Variants in RHOBTB1 observed in about 807,000 individuals in gnomAD.
RHOBTB1 encodes Rho related BTB domain containing 1, also known as rho-related BTB domain-containing protein 1.
RHOBTB1 carries 40 observed loss-of-function variants against 71.6 expected under a neutral mutation model. That is an observed-to-expected ratio of 0.56 (90% CI 0.43 to 0.73). The LOEUF is 0.73. Among genes scored for constraint, RHOBTB1 ranks in the 30% least tolerant of loss-of-function variants. RHOBTB1 has a pLI of 0.00. For synonymous variants in RHOBTB1, 319 were observed against 334.9 expected (o/e 0.95, Z 0.52); for missense variants, 797 against 894.0 (o/e 0.89, Z 1.38).
At position 60,889,068 on chromosome 10, in the gene RHOBTB1, A is replaced by G; in HGVS notation, c.600T>C (p.Phe200=). The G allele has an allele frequency of 6.2e-7, 1 of 1,614,186 alleles. No individual in the cohort carries two copies. The highest frequency in any genetic ancestry group is 8.5e-7 in the Non-Finnish European group (1 of 1,180,022). ...TCAGCGCTGCTCGGATTGCATTGTC[A>G]AACACATCCTTGATACCAAACTGGT... ...VFDQFGIKDV[F]DNAIRAALIS... is the part of the protein sequence containing the mutation. Residue 200 remains phenylalanine (F), a synonymous_variant, in exon 6 of 11, where the codon TTT becomes TTC. Transcript: ENST00000337910.
intron 2 of RHOBTB1, among the ~76,000 whole-genome samples, chr10:60,956,601 T>A (rs2085601772): frequency 6.6e-6 from 1 of 152,166 alleles, no homozygotes; most frequent in East Asian, 1.9e-4. Context: ...CTTTATATCC[T>A]TATTGTATAA....
At chr10:60,937,995 T>C (rs1410950560) in intron 2 of RHOBTB1, among the ~76,000 whole-genome samples, 1 of 152,184 alleles carries the variant, frequency 6.6e-6, no homozygotes, top group Non-Finnish European at 1.5e-5. Flanking sequence ...AGTAAGGTCA[T>C]ATTTCACCGA....
chr10:60,924,553 A>G (rs1303321425), intron 2 of RHOBTB1, among the ~76,000 whole-genome samples: 1 of 152,144 alleles, frequency 6.6e-6, no homozygotes, highest in Admixed American at 6.5e-5. Flanking sequence ...AGAGCCAGGG[A>G]CTTCAGTATC....
At chr10:60,939,557 C>A (rs1049860982) in intron 2 of RHOBTB1, among the ~76,000 whole-genome samples, 2 of 152,128 alleles carry the variant, frequency 1.3e-5, no homozygotes, top group African/African-American at 2.4e-5. Flanking sequence ...CTTTTTGGAA[C>A]TCATTTTTCC....
chr10:60,984,831 T>C (rs139497630), intron 2 of RHOBTB1, among the ~76,000 whole-genome samples: 113 of 152,194 alleles, frequency 7.4e-4, no homozygotes, highest in Non-Finnish European at 1.3e-3. Context: ...TTCAGTCTTA[T>C]GTACACATTT....
At chr10:60,943,818 C>A (rs937518472) in intron 1 of RHOBTB1, among the ~76,000 whole-genome samples, 153 bp downstream of exon 1, 1 of 150,728 alleles carries the variant, frequency 6.6e-6, no homozygotes. Context: ...CCCCTAGCGG[C>A]TCGGTCCCAC....
At chr10:60,985,618 A>C (rs2086637234) in intron 2 of RHOBTB1, among the ~76,000 whole-genome samples, 1 of 152,144 alleles carries the variant, frequency 6.6e-6, no homozygotes, top group African/African-American at 2.4e-5. Context: ...TGTAGGTCCA[A>C]ATGACTCAAA....
At chr10:60,897,264 C>T (rs1340432819) in intron 4 of RHOBTB1, among the ~76,000 whole-genome samples, 2 of 152,130 alleles carry the variant, frequency 1.3e-5, no homozygotes, top group Non-Finnish European at 2.9e-5. Context: ...CAACCAGAAG[C>T]TCAACTTTTT....
Position 60,874,976 on chromosome 10 carries a change from A to G in RHOBTB1, c.1793T>C (p.Leu598Pro), listed in dbSNP as rs1182734249. The change falls in exon 9 of 11, where the codon CTC becomes CCC. Residue 598 changes from leucine (L) to proline (P), a missense_variant. By Grantham distance (98) the Leu-to-Pro change is moderately conservative. Around this residue, in one of 2 missense-constraint regions of RHOBTB1, gnomAD observed 658 missense variants for 681.5 expected, o/e 0.97. Coordinates refer to ENST00000337910, the MANE Select transcript of RHOBTB1 (RefSeq NM_014836.5). ...AACCTGAGCCAATTCCAAGTAAGAGAGCACTTCTCCGTCAATGCCCACGCC... is the reference window on the plus strand; with the variant it reads ...AACCTGAGCCAATTCCAAGTAAGAGGGCACTTCTCCGTCAATGCCCACGCC... ...TSGVGIDGEV[L>P]SYLELAQFHN... is the part of the protein sequence containing the mutation. 1 of 1,613,792 alleles carries G rather than the reference A, an allele frequency of 6.2e-7. No homozygotes were observed. Among genetic ancestry groups the G allele is most frequent in the South Asian group, 1.1e-5 (1 of 91,090 alleles).
intron 9 of RHOBTB1, among the ~76,000 whole-genome samples, 184 bp downstream of exon 9, chr10:60,874,770 G>A (rs1215521789): frequency 6.6e-6 from 1 of 152,166 alleles, no homozygotes; most frequent in Non-Finnish European, 1.5e-5. Context: ...TTATTCAAAT[G>A]AAGCCCAGCA....
At chr10:60,896,862 T>C (rs1448000160) in intron 4 of RHOBTB1, among the ~76,000 whole-genome samples, 1 of 152,180 alleles carries the variant, frequency 6.6e-6, no homozygotes, top group Non-Finnish European at 1.5e-5. Context: ...AGATCTTGTT[T>C]CATAGAGGAG....
At chr10:60,982,509 C>T (rs970719185) in intron 2 of RHOBTB1, among the ~76,000 whole-genome samples, 1 of 152,154 alleles carries the variant, frequency 6.6e-6, no homozygotes. Context: ...CCAGATGACT[C>T]TGTTGTTGGG....
At chr10:60,989,735 C>A (rs753711782) in intron 1 of RHOBTB1, among the ~76,000 whole-genome samples, 1 of 152,154 alleles carries the variant, frequency 6.6e-6, no homozygotes, top group Non-Finnish European at 1.5e-5. Context: ...GAGGCTGTAG[C>A]TCAGGGAAGT....
chr10:60,929,025 T>C (rs952184206), intron 2 of RHOBTB1, among the ~76,000 whole-genome samples: 4 of 152,080 alleles, frequency 2.6e-5, no homozygotes, highest in Non-Finnish European at 5.9e-5. Flanking sequence ...AGGAGAGAGA[T>C]ACCAAAGGGG....
At chr10:60,920,846 G>C (rs2083518581) in intron 2 of RHOBTB1, among the ~76,000 whole-genome samples, 1 of 151,738 alleles carries the variant, frequency 6.6e-6, no homozygotes, top group South Asian at 2.1e-4. Context: ...GGTAAAGATG[G>C]GGGTCTCACT....
intron 2 of RHOBTB1, among the ~76,000 whole-genome samples, chr10:60,965,631 TC>T (rs1215820163): frequency 6.6e-6 from 1 of 152,182 alleles, no homozygotes; most frequent in African/African-American, 2.4e-5. Flanking sequence ...ACAAAATAGG[TC>T]TTCAAAAATT....
At chr10:60,921,028 C>A (rs953920997) in intron 2 of RHOBTB1, among the ~76,000 whole-genome samples, 4 of 151,164 alleles carry the variant, frequency 2.6e-5, no homozygotes, top group African/African-American at 7.3e-5. Context: ...TAGCTCACTG[C>A]GACCTCTGCC....
At chr10:60,910,606 C>T (rs576205404) in intron 4 of RHOBTB1, among the ~76,000 whole-genome samples, 3 of 152,292 alleles carry the variant, frequency 2.0e-5, no homozygotes, top group African/African-American at 7.2e-5. Context: ...ATCAAAGCAG[C>T]CCGCAGTTGG....
At chr10:60,995,083 A>G (rs752262828) in intron 1 of RHOBTB1, among the ~76,000 whole-genome samples, 12 of 152,002 alleles carry the variant, frequency 7.9e-5, no homozygotes, top group Admixed American at 7.2e-4. Context: ...GTGACTAAAG[A>G]TCATAAATAG....
Sources: gnomAD v4.1 joint callset for allele counts (sites outside exome capture counted in the v4.1 genomes callset) on GRCh38, gnomAD v4.1.1 for gene constraint, gnomAD v4.1.1 regional missense constraint, MANE v1.5 for transcripts, NCBI Gene and HGNC (gene_info 2026-07-23, HGNC 2026-07-21) for gene names.